The following SSBP3 variants were observed in gnomAD, a reference collection of about 807,000 sequenced individuals.
The protein encoded by SSBP3 is single stranded DNA binding protein 3, also known as single-stranded DNA-binding protein 3.
SSBP3 carries 5 observed loss-of-function variants against 69.6 expected under a neutral mutation model. The observed-to-expected ratio is 0.07, with a 90% CI of 0.04 to 0.15. The LOEUF (loss-of-function observed/expected upper bound fraction) is 0.15, where lower values mean the gene tolerates loss of function less well. Ranked by LOEUF, SSBP3 falls within the 10% of genes least tolerant of loss-of-function variation. SSBP3 has a pLI of 1.00. For missense variants in SSBP3, 312 were observed against 534.0 expected, an observed-to-expected ratio of 0.58 and a Z score of 4.10; for synonymous variants, 196 against 193.4, an observed-to-expected ratio of 1.01 and a Z score of -0.11.
intron 5 of SSBP3, among the ~76,000 whole-genome samples, chr1:54,276,618 A>AAAAAG (rs1645293188): frequency 6.7e-6 from 1 of 150,196 alleles, no homozygotes; most frequent in Non-Finnish European, 1.5e-5. Flanking sequence ...CAAAAAAAAA[A>AAAAAG]AAAAAAAAAA....
chr1:54,352,651 G>A (rs977890873), intron 4 of SSBP3, among the ~76,000 whole-genome samples: 1 of 152,222 alleles, frequency 6.6e-6, no homozygotes, highest in Non-Finnish European at 1.5e-5. Flanking sequence ...TGCAGGATGT[G>A]CAGCAGGAAG....
At chr1:54,236,320 T>C (rs1644494374) in intron 14 of SSBP3, 1 of 152,228 alleles carries the variant, frequency 6.6e-6, no homozygotes, top group Admixed American at 6.5e-5. Flanking sequence ...TTTTACTATG[T>C]TTGCCAGGCT....
chr1:54,401,762 A>G (rs779284206), intron 4 of SSBP3, 99 bp downstream of exon 4: 17 of 978,872 alleles, frequency 1.7e-5, no homozygotes, highest in East Asian at 2.4e-5. Context: ...AGAAGCAAAT[A>G]AAGACCACTG....
intron 4 of SSBP3, among the ~76,000 whole-genome samples, chr1:54,342,932 C>T (rs781008905): frequency 1.3e-5 from 2 of 152,152 alleles, no homozygotes; most frequent in Non-Finnish European, 2.9e-5. Context: ...TCCCCGATGC[C>T]GACAGATGGG....
chr1:54,356,867 G>A (rs917405143), intron 4 of SSBP3: 2 of 152,266 alleles, frequency 1.3e-5, no homozygotes, highest in African/African-American at 4.8e-5. Context: ...CAGCGTTCAA[G>A]AGATCTTCAA....
intron 4 of SSBP3, among the ~76,000 whole-genome samples, chr1:54,347,348 G>GT (rs1381151075): frequency 1.4e-5 from 2 of 147,724 alleles, no homozygotes; most frequent in Non-Finnish European, 3.0e-5. Context: ...TTGTTAGGCT[G>GT]TTTTTTAATT....
intron 4 of SSBP3, among the ~76,000 whole-genome samples, chr1:54,333,106 C>T (rs1364895925): frequency 6.6e-6 from 1 of 152,140 alleles, no homozygotes; most frequent in African/African-American, 2.4e-5. Context: ...CTGAACACAC[C>T]ACTGCTTGGG....
At chr1:54,285,378 CAACCCTCCTGCAGCTCAACGGCA>C (rs1645469389) in intron 4 of SSBP3, 1 of 152,204 alleles carries the variant, frequency 6.6e-6, no homozygotes, top group Admixed American at 6.5e-5. Context: ...ATCCCTGCAC[CAACCCTCCTGCAGCTCAACGGCA>C]GCAGGGGCTG....
intron 12 of SSBP3, 107 bp downstream of exon 12, chr1:54,241,367 C>A (rs1644634803): frequency 6.4e-6 from 8 of 1,258,730 alleles, no homozygotes; most frequent in Non-Finnish European, 8.2e-6. Flanking sequence ...GGAACCTCTG[C>A]TCAGAAGAAT....
rs1472765427 is a variant in SSBP3 at position 54,316,671 on chromosome 1, AAT to A, written c.277-35146_277-35145del. 4.4e-4 allele frequency among the ~76,000 whole-genome samples: 39 copies of A among 88,198 alleles called. 4 individuals carry two copies. The highest frequency in any genetic ancestry group is 1.8e-3 in the African/African-American group (32 of 17,438). 57.9% of individuals were successfully genotyped at this position (88,198 alleles called of 152,430 possible). Reference sequence around the variant, plus strand: ...TCAAAAAAAAAAAATAAAATAAATAAATAAATAAATAAATAAATAAATAAATA... The same window carrying A: ...TCAAAAAAAAAAAATAAAATAAATAAAAATAAATAAATAAATAAATAAATA... On this transcript the variant is annotated intron_variant, in intron 4 of 17. Coordinates refer to ENST00000610401, the Ensembl canonical transcript of SSBP3.
intron 4 of SSBP3, among the ~76,000 whole-genome samples, chr1:54,311,040 C>T (rs1451796643): frequency 3.3e-5 from 5 of 152,204 alleles, no homozygotes; most frequent in Admixed American, 3.3e-4. Context: ...CCAAGCCACA[C>T]ATGCTTGGGT....
At chr1:54,376,191 GGTGTGT>G (rs145081564) in intron 4 of SSBP3, among the ~76,000 whole-genome samples, 1 of 150,638 alleles carries the variant, frequency 6.6e-6, no homozygotes, top group African/African-American at 2.4e-5. Context: ...TGCATGCGTG[GGTGTGT>G]GTGTGTGTGT....
At chr1:54,393,404 A>G (rs1040469360) in intron 4 of SSBP3, among the ~76,000 whole-genome samples, 2 of 152,142 alleles carry the variant, frequency 1.3e-5, no homozygotes. Flanking sequence ...TCTCACCCCA[A>G]CGTCATTCTG....
chr1:54,323,168 T>C (rs17110369), intron 4 of SSBP3, among the ~76,000 whole-genome samples: 7,000 of 152,116 alleles, frequency 0.046, 372 homozygotes, highest in East Asian at 0.16. Context: ...CTTAAGCAAG[T>C]CAATGAAGCT....
rs34137070 is a variant in SSBP3 at position 54,384,105 on chromosome 1, C to CAAAAAAAAAA, written c.276+17746_276+17755dup. Among the ~76,000 whole-genome samples the CAAAAAAAAAA allele has an allele frequency of 3.1e-3, 291 of 94,068 alleles. 3 individuals are homozygous for CAAAAAAAAAA. Among genetic ancestry groups the CAAAAAAAAAA allele is most frequent in the East Asian group, 8.5e-3 (26 of 3,052 alleles). 61.7% of individuals were successfully genotyped at this position (94,068 alleles called of 152,430 possible). ...TGGGCAACAGTGCAAGACTCCATCTCAAAAAAAAAAAAAAAAAAAAGCAAG... is the reference window on the plus strand; with the variant it reads ...TGGGCAACAGTGCAAGACTCCATCTCAAAAAAAAAAAAAAAAAAAAAAAAAAAAAAGCAAG... On this transcript the variant is annotated intron_variant, in intron 4 of 17. Transcript: ENST00000610401.
intron 5 of SSBP3, among the ~76,000 whole-genome samples, chr1:54,264,476 T>C (rs1009775860): frequency 2.0e-5 from 3 of 152,176 alleles, no homozygotes; most frequent in Admixed American, 1.3e-4. Context: ...TGCTGAGAAA[T>C]AAAGCTGAGA....
intron 5 of SSBP3, among the ~76,000 whole-genome samples, chr1:54,264,357 A>T (rs1017433959): frequency 6.6e-6 from 1 of 152,232 alleles, no homozygotes; most frequent in Non-Finnish European, 1.5e-5. Flanking sequence ...CCGATTTTTT[A>T]AAGGAGAAAA....
chr1:54,239,002 G>T, intron 14 of SSBP3, 127 bp downstream of exon 14: 1 of 822,672 alleles, frequency 1.2e-6, no homozygotes, highest in Non-Finnish European at 2.0e-6. Flanking sequence ...CTTTTCTGAC[G>T]GTTTATTTTA....
At chr1:54,324,048 C>T (rs1337862593) in intron 4 of SSBP3, among the ~76,000 whole-genome samples, 1 of 152,168 alleles carries the variant, frequency 6.6e-6, no homozygotes, top group Non-Finnish European at 1.5e-5. Flanking sequence ...GTTTTATCCC[C>T]ATTTTATAGG....
Sources: allele counts gnomAD v4.1 joint callset (sites outside exome capture counted in the v4.1 genomes callset), GRCh38; gene constraint gnomAD v4.1.1; transcripts MANE v1.5; gene names NCBI Gene and HGNC (gene_info 2026-07-23, HGNC 2026-07-21).